The following MIB2 variants were observed in gnomAD, a reference collection of about 807,000 sequenced individuals.
MIB2 encodes the protein E3 ubiquitin-protein ligase MIB2.
Under a neutral mutation model 96.6 loss-of-function variants are expected in MIB2, and 78 were observed. The ratio of observed to expected loss-of-function variants is 0.81; its 90% confidence interval spans 0.67 to 0.97. The LOEUF (loss-of-function observed/expected upper bound fraction) is 0.97. Among genes scored for constraint, MIB2 ranks in the 50% least tolerant of loss-of-function variants. The pLI is 0.00. For synonymous variants in MIB2, 820 were observed against 629.5 expected (o/e 1.30, Z -4.53); for missense variants, 1,543 against 1,424.0 (o/e 1.08, Z -1.35).
chr1:1,629,938 C>G (rs1363031409), intron 19 of MIB2, among the ~76,000 whole-genome samples: 1 of 148,584 alleles, frequency 6.7e-6, no homozygotes, highest in Non-Finnish European at 1.5e-5. Context: ...CCCATCACAC[C>G]CCAGCCCCGC....
rs946750647 is a variant in MIB2 at position 1,630,129 on chromosome 1, G to A, written c.2630-163G>A. The stretch of plus-strand genomic sequence containing the variant: ...CACGGCTCACCTCCTGCCCGCACCC[G>A]GGCCCCACCTCTGCCTCCAAATCAC... On this transcript the variant is annotated intron_variant, in intron 19 of 19. Coordinates refer to ENST00000355826, the MANE Select transcript of MIB2 (RefSeq NM_001170687.4). Among the ~76,000 whole-genome samples, 6 of 130,858 alleles carry A rather than the reference G, an allele frequency of 4.6e-5. No homozygotes were observed. The South Asian group carries it at 1.3e-3, about 28-fold the overall frequency. The allele number at this position is 130,858 out of a possible 152,430, so 85.8% of individuals were successfully genotyped here.
At chr1:1,622,588 C>T (rs1399091719) in intron 2 of MIB2, among the ~76,000 whole-genome samples, 1 of 152,238 alleles carries the variant, frequency 6.6e-6, no homozygotes, top group Non-Finnish European at 1.5e-5. Context: ...CCTCCATCTG[C>T]TGGTGAGCTC....
Position 1,630,571 on chromosome 1 carries a change from C to G in MIB2, c.*41C>G. ...GCGCCCGAGCTGCCTTCGCGTGCCC[C>G]CGCCCTGTGTTTTATAAAAAGAAAG... On this transcript the variant is annotated 3_prime_UTR_variant, in exon 20 of 20. Transcript: ENST00000355826. The G allele has an allele frequency of 1.4e-6, 2 of 1,432,944 alleles. No individual in the cohort carries two copies. The highest frequency in any genetic ancestry group is 2.7e-5 in the South Asian group (2 of 74,906). The allele number at this position is 1,432,944 out of a possible 1,614,324, so 88.8% of individuals were successfully genotyped here.
At position 1,623,446 on chromosome 1, in the gene MIB2, G is replaced by A. The variant is rs376818306; in HGVS notation, c.-7G>A. 2.5e-4 allele frequency: 405 copies of A among 1,600,228 alleles called. 3 individuals carry two copies. Among genetic ancestry groups the A allele is most frequent in the East Asian group, 1.0e-3 (46 of 44,112 alleles). On this transcript the variant is annotated 5_prime_UTR_variant, in exon 3 of 20. Coordinates refer to ENST00000355826, the MANE Select transcript of MIB2 (RefSeq NM_001170687.4). ...CTGCCCACAGGTCCCGAGCAGCCCCGCCCAACATGGACCCAGACCCCCAGG... is the reference window on the plus strand; with the variant it reads ...CTGCCCACAGGTCCCGAGCAGCCCCACCCAACATGGACCCAGACCCCCAGG...
rs1453140498 is a variant in MIB2, at chr1:1,625,243, G to A, written c.722-43G>A. 6.2e-7 allele frequency: 1 copy of A among 1,601,320 alleles called. No individual in the cohort carries two copies. The highest frequency in any genetic ancestry group is 8.5e-7 in the Non-Finnish European group (1 of 1,175,108). ...TCCTGCCTTGGCTGAAGTCCCAGAGGGGAGGGGCCGCTGCCTGAGGCCTGG... is the reference window on the plus strand; with the variant it reads ...TCCTGCCTTGGCTGAAGTCCCAGAGAGGAGGGGCCGCTGCCTGAGGCCTGG... On this transcript the variant is annotated intron_variant, in intron 6 of 19. Transcript: ENST00000355826. The surrounding 1 kb of genome is among the most constrained non-coding windows in gnomAD (Gnocchi z 5.0).
At chr1:1,627,020 C>A (rs1557602352) in intron 10 of MIB2, 21 bp downstream of exon 10, 1 of 1,607,786 alleles carries the variant, frequency 6.2e-7, no homozygotes, top group African/African-American at 1.3e-5. Context: ...GCTCAGGCGG[C>A]CAGTGGGAGG....
chr1:1,615,020 A>G (rs1426669741), upstream of MIB2: 18 of 159,596 alleles, frequency 1.1e-4, no homozygotes, highest in South Asian at 2.4e-3. Context: ...GTCTCCAAAA[A>G]AAAAAAAAGA....
At position 1,629,206 on chromosome 1, in the gene MIB2, A is replaced by G; in HGVS notation, c.2276A>G (p.Glu759Gly). ...GAAVACFLAL[E>G]GADVSYTNHR... ...GCGGTCGCCTGCTTCCTGGCGCTGG[A>G]GGGCGCCGACGTGAGCTACACCAAC... is the stretch of plus-strand genomic sequence containing the variant. Residue 759 changes from glutamate to glycine, a missense_variant, in exon 17 of 20, where the codon GAG (glutamate) becomes GGG (glycine). Physicochemically the swap from Glu to Gly is moderately conservative, Grantham distance 98. Transcript: ENST00000355826. The G allele has an allele frequency of 6.6e-7, 1 of 1,526,340 alleles. No homozygotes were observed. 94.5% of individuals were successfully genotyped at this position (1,526,340 alleles called of 1,614,324 possible).
At position 1,626,776 on chromosome 1, in the gene MIB2, G is replaced by A. The variant is rs747983814; in HGVS notation, c.1077+22G>A. 1.8e-5 allele frequency: 25 copies of A among 1,380,220 alleles called. No individual in the cohort carries two copies. Among genetic ancestry groups the A allele is most frequent in the African/African-American group, 1.6e-4 (11 of 68,228 alleles). The allele number at this position is 1,380,220 out of a possible 1,614,324, so 85.5% of individuals were successfully genotyped here. ...CCCTGTGAGTCCCCCTGCCACCCCCGCCGCTAGCGCCGCTGCCCCCCACAC... is the reference window on the plus strand; with the variant it reads ...CCCTGTGAGTCCCCCTGCCACCCCCACCGCTAGCGCCGCTGCCCCCCACAC... On this transcript the variant is annotated intron_variant, in intron 9 of 19. Coordinates refer to ENST00000355826, the MANE Select transcript of MIB2 (RefSeq NM_001170687.4). The surrounding 1 kb of genome is among the most constrained non-coding windows in gnomAD (Gnocchi z 5.3).
rs776362384 is a variant in MIB2, at chr1:1,623,724, G to A, written c.247+25G>A. 2.0e-5 allele frequency: 31 copies of A among 1,544,696 alleles called. No homozygotes were observed. In the East Asian group the frequency reaches 2.4e-4, roughly 12 times the overall value. ...GGTGCGCGCCAAGGGCAGGCGGGAC[G>A]GGCAGGACCCGGGGGCGGGAACGCC... On this transcript the variant is annotated intron_variant, in intron 3 of 19. Coordinates refer to ENST00000355826, the MANE Select transcript of MIB2 (RefSeq NM_001170687.4).
chr1:1,626,411 G>C lies in MIB2; in HGVS notation c.973-239G>C, dbSNP rs1273044333. The stretch of plus-strand genomic sequence containing the variant: ...TCGGCTTCACACCTGCCCAGAGCTG[G>C]CTTCTGTCTGCCTGGACACTCCTCC... On this transcript the variant is annotated intron_variant, in intron 8 of 19. Coordinates refer to ENST00000355826, the MANE Select transcript of MIB2 (RefSeq NM_001170687.4). This position sits in a 1 kb window ranked among gnomAD's most constrained non-coding sequence, Gnocchi z 5.3. 7.5e-6 allele frequency: 4 copies of C among 534,736 alleles called. No homozygotes were observed. Among genetic ancestry groups the C allele is most frequent in the African/African-American group, 1.9e-5 (1 of 52,166 alleles). The allele number at this position is 534,736 out of a possible 1,614,324, so 33.1% of individuals were successfully genotyped here. A position where few individuals can be genotyped will look rare whatever the true frequency, so the allele number is the denominator to read the frequency against.
chr1:1,626,528 C>A lies in MIB2; in HGVS notation c.973-122C>A. 1 of 778,124 alleles carries A rather than the reference C, an allele frequency of 1.3e-6. No individual in the cohort carries two copies. Among genetic ancestry groups the A allele is most frequent in the Non-Finnish European group, 2.0e-6 (1 of 504,998 alleles). The allele number at this position is 778,124 out of a possible 1,614,324, so 48.2% of individuals were successfully genotyped here. A position where few individuals can be genotyped will look rare whatever the true frequency, so the allele number is the denominator to read the frequency against. On this transcript the variant is annotated intron_variant, in intron 8 of 19. Coordinates refer to ENST00000355826, the MANE Select transcript of MIB2 (RefSeq NM_001170687.4). This position sits in a 1 kb window ranked among gnomAD's most constrained non-coding sequence, Gnocchi z 5.3. ...CTCTGGCAGTGCCTGGGGTCGGGGT[C>A]GGGGCCGGGGCCGAGTCAGGCCTGC...
At chr1:1,618,792 G>A (rs28601681) in intron 2 of MIB2, 9,574 of 152,362 alleles carry the variant, frequency 0.063, 524 homozygotes, top group East Asian at 0.25. Flanking sequence ...GGATCCTCCC[G>A]CCCCTAAGCA....
At position 1,630,363 on chromosome 1, in the gene MIB2, C is replaced by G; in HGVS notation, c.2701C>G (p.Arg901Gly). The change falls in exon 20 of 20, where the codon CGC becomes GGC. Residue 901 changes from arginine (R) to glycine (G), a missense_variant. By Grantham distance (125) the Arg-to-Gly change is moderately radical. Transcript: ENST00000355826. ...PRQLVEELQS[R>G]YRQMEERITC... ...CCAGCTGGTGGAGGAGCTGCAGAGC[C>G]GCTACCGGCAGATGGAGGAACGCAT... The G allele has an allele frequency of 6.5e-7, 1 of 1,544,736 alleles. No homozygotes were observed. Among genetic ancestry groups the G allele is most frequent in the Non-Finnish European group, 8.7e-7 (1 of 1,146,268 alleles).
chr1:1,616,109 C>T, intron 1 of MIB2: 5 of 983,894 alleles, frequency 5.1e-6, no homozygotes, highest in Middle Eastern at 5.2e-4. Context: ...AGGTACTGCG[C>T]GGCCCTGGCA....
Position 1,623,841 on chromosome 1 carries a change from G to C in MIB2, c.315G>C (p.Lys105Asn), listed in dbSNP as rs2100444191. Residue 105 changes from lysine (K) to asparagine (N), a missense_variant, in exon 4 of 20, where the codon AAG becomes AAC. Transcript: ENST00000355826. ...ACGGGCTGCGGGGGATGCGCTGGAA[G>C]TGCCGTGTGTGCCTGGACTACGACC... is the stretch of plus-strand genomic sequence containing the variant. ...KKHGLRGMRW[K>N]CRVCLDYDLC... is the part of the protein sequence containing the mutation. 1 of 1,611,194 alleles carries C rather than the reference G, an allele frequency of 6.2e-7. No individual in the cohort carries two copies.
Position 1,628,315 on chromosome 1 carries a change from C to G in MIB2, c.1884C>G (p.Asp628Glu). ...TGGCTCGGGCGCGGCAGCTGGTGGA[C>G]GCCAAGAAGGAGGACGGCTTCACGG... Reference protein sequence around the residue: ...KILARARQLVDAKKEDGFTAL... With the variant: ...KILARARQLVEAKKEDGFTAL... Residue 628 changes from aspartate to glutamate, a missense_variant, in exon 15 of 20, where the codon GAC (aspartate) becomes GAG (glutamate). Asp to Glu is a conservative substitution (Grantham distance 45). Coordinates refer to ENST00000355826, the MANE Select transcript of MIB2 (RefSeq NM_001170687.4). 1 of 1,612,894 alleles carries G rather than the reference C, an allele frequency of 6.2e-7. No individual in the cohort carries two copies. The highest frequency in any genetic ancestry group is 8.5e-7 in the Non-Finnish European group (1 of 1,179,936).
rs1316606373 is a variant in MIB2 at position 1,629,157 on chromosome 1, A to G, written c.2227A>G (p.Ser743Gly). Residue 743 changes from serine to glycine, a missense_variant, in exon 17 of 20, where the codon AGC (serine) becomes GGC (glycine). Physicochemically the swap from Ser to Gly is moderately conservative, Grantham distance 56. Transcript: ENST00000355826. ...SRLQASGLPG[S>G]AELTVGAAVA... ...GCTACAGGCCTCGGGCCTCCCCGGC[A>G]GCGCGGAGCTGACGGTGGGCGCGGC... The G allele has an allele frequency of 6.0e-6, 9 of 1,500,408 alleles. No homozygotes were observed. The highest frequency in any genetic ancestry group is 7.9e-6 in the Non-Finnish European group (9 of 1,133,154). The allele number at this position is 1,500,408 out of a possible 1,614,324, so 92.9% of individuals were successfully genotyped here.
chr1:1,623,457 A>C lies in MIB2; in HGVS notation c.5A>C (p.Asp2Ala). The change falls in exon 3 of 20, where the codon GAC becomes GCC. Residue 2 changes from aspartate (D) to alanine (A), a missense_variant. Asp to Ala is a moderately radical substitution (Grantham distance 126). Coordinates refer to ENST00000355826, the MANE Select transcript of MIB2 (RefSeq NM_001170687.4). M[D>A]PDPQAGVQVG... ...TCCCGAGCAGCCCCGCCCAACATGG[A>C]CCCAGACCCCCAGGCGGGCGTGCAG... 6.3e-7 allele frequency: 1 copy of C among 1,599,372 alleles called. No homozygotes were observed. The highest frequency in any genetic ancestry group is 8.5e-7 in the Non-Finnish European group (1 of 1,174,630).
Sources: allele counts gnomAD v4.1 joint callset (sites outside exome capture counted in the v4.1 genomes callset), GRCh38; gene constraint gnomAD v4.1.1; non-coding constraint Gnocchi (gnomAD v3.1); transcripts MANE v1.5; gene names NCBI Gene and HGNC (gene_info 2026-07-23, HGNC 2026-07-21).